The following TOPBP1 variants were observed in gnomAD, a reference collection of about 807,000 sequenced individuals.
TOPBP1 encodes DNA topoisomerase II binding protein 1, also known as DNA topoisomerase 2-binding protein 1.
TOPBP1 carries 28 observed loss-of-function variants against 167.7 expected under a neutral mutation model. The observed-to-expected ratio is 0.17, with a 90% CI of 0.12 to 0.23. The LOEUF is 0.23. TOPBP1 is among the 10% of genes least tolerant of loss of function. TOPBP1 has a pLI of 1.00. For synonymous variants in TOPBP1, 598 were observed against 611.4 expected (o/e 0.98, Z 0.32); for missense variants, 1,554 against 1,809.6 (o/e 0.86, Z 2.56).
chr3:133,653,821 G>C (rs139230678), intron 6 of TOPBP1, among the ~76,000 whole-genome samples: 1 of 151,896 alleles, frequency 6.6e-6, no homozygotes, highest in Non-Finnish European at 1.5e-5. Context: ...TAGTAGACAC[G>C]GGGTTTCACC....
chr3:133,643,692 G>A (rs1241020725), intron 11 of TOPBP1, among the ~76,000 whole-genome samples: 4 of 149,894 alleles, frequency 2.7e-5, no homozygotes, highest in African/African-American at 9.9e-5. Context: ...TTCTTGGAAT[G>A]TTAAAAAAAA....
chr3:133,636,178 G>C (rs1434752316), intron 14 of TOPBP1, among the ~76,000 whole-genome samples: 1 of 152,140 alleles, frequency 6.6e-6, no homozygotes, highest in Non-Finnish European at 1.5e-5. Context: ...AACGTGTATA[G>C]TGGCTTCTCA....
Position 133,644,502 on chromosome 3 carries a change from G to C in TOPBP1, c.1505-139C>G. ...CTAAAGCTTACGTGTATAATAAAGG[G>C]ATATGGATTCACCCCGTCTTCGGGG... On this transcript the variant is annotated intron_variant, in intron 10 of 27. Transcript: ENST00000260810. 6.1e-6 allele frequency: 5 copies of C among 818,586 alleles called. No individual in the cohort carries two copies. In the South Asian group the frequency reaches 6.2e-5, roughly 10 times the overall value. The allele number at this position is 818,586 out of a possible 1,614,324, so 50.7% of individuals were successfully genotyped here. A position where few individuals can be genotyped will look rare whatever the true frequency, so the allele number is the denominator to read the frequency against.
At chr3:133,631,824 G>T (rs1935492757) in intron 14 of TOPBP1, among the ~76,000 whole-genome samples, 1 of 152,000 alleles carries the variant, frequency 6.6e-6, no homozygotes, top group Non-Finnish European at 1.5e-5. Flanking sequence ...TTTTAGTAGA[G>T]ATGGGGTTTC....
intron 17 of TOPBP1, 63 bp downstream of exon 17, chr3:133,623,989 C>T: frequency 6.5e-7 from 1 of 1,529,986 alleles, no homozygotes; most frequent in Non-Finnish European, 8.8e-7. Flanking sequence ...AGTTAGTGCT[C>T]TGAAATAATG....
intron 20 of TOPBP1, among the ~76,000 whole-genome samples, chr3:133,619,177 A>G (rs1312251128): frequency 6.6e-6 from 1 of 151,852 alleles, no homozygotes; most frequent in East Asian, 1.9e-4. Context: ...CAATTTACCA[A>G]AGGAACCCCC....
At chr3:133,617,045 T>C (rs1206243852) in intron 22 of TOPBP1, 115 bp downstream of exon 22, 7 of 1,368,752 alleles carry the variant, frequency 5.1e-6, no homozygotes. Flanking sequence ...AATGATACAA[T>C]GCAAAAAATA....
chr3:133,606,165 G>C (rs931973875), intron 27 of TOPBP1, among the ~76,000 whole-genome samples: 26 of 152,100 alleles, frequency 1.7e-4, no homozygotes, highest in Non-Finnish European at 3.5e-4. Flanking sequence ...TCCAGCCTGG[G>C]CAACAGAGTG....
chr3:133,639,537 T>C (rs1935820108), intron 13 of TOPBP1, among the ~76,000 whole-genome samples: 1 of 152,122 alleles, frequency 6.6e-6, no homozygotes, highest in Non-Finnish European at 1.5e-5. Flanking sequence ...ACATGACACA[T>C]GTATACATAT....
rs1276477420 is a variant in TOPBP1, at chr3:133,612,725, T to C, written c.3872-173A>G. On this transcript the variant is annotated intron_variant, in intron 23 of 27. Transcript: ENST00000260810. ...TACTTTATATACATATATATATGTA[T>C]TAAAATGTTTATTATGAACATTTTA... Among the ~76,000 whole-genome samples the C allele has an allele frequency of 5.3e-5, 8 of 152,278 alleles. No homozygotes were observed. In the South Asian group the frequency reaches 1.4e-3, roughly 28 times the overall value.
chr3:133,606,309 A>C (rs1934490597), intron 27 of TOPBP1, among the ~76,000 whole-genome samples: 1 of 152,162 alleles, frequency 6.6e-6, no homozygotes. Flanking sequence ...AATAGGAATA[A>C]ATTTAACAAA....
chr3:133,623,341 G>C lies in TOPBP1; in HGVS notation c.3045C>G (p.Leu1015=). 6.2e-7 allele frequency: 1 copy of C among 1,613,668 alleles called. No individual in the cohort carries two copies. Among genetic ancestry groups the C allele is most frequent in the Non-Finnish European group, 8.5e-7 (1 of 1,179,780 alleles). Residue 1015 remains leucine (L), a synonymous_variant, in exon 18 of 28, where the codon CTC becomes CTG. Coordinates refer to ENST00000260810, the MANE Select transcript of TOPBP1 (RefSeq NM_007027.4). ...QDGRLCNSRL[L]SAVSSTKDDE... is the part of the protein sequence containing the mutation. ...CATCCTTTGTTGAAGACACAGCTGA[G>C]AGTAGTCGACTATTACAGAGCCGGC...
chr3:133,615,644 C>T (rs188157361), intron 23 of TOPBP1, among the ~76,000 whole-genome samples: 12 of 152,062 alleles, frequency 7.9e-5, no homozygotes, highest in African/African-American at 2.9e-4. Flanking sequence ...CACAGTTAGT[C>T]CAAATTGAGA....
rs766117573 is a variant in TOPBP1 at position 133,624,125 on chromosome 3, T to C, written c.2855A>G (p.Asn952Ser). The stretch of plus-strand genomic sequence containing the variant: ...AGATTTATACTCCCGATTAGTGTCA[T>C]TTGGCCGCCCTTGATAGATGAAATG... Reference protein sequence around the residue: ...VTHFIYQGRPNDTNREYKSVK... With the variant: ...VTHFIYQGRPSDTNREYKSVK... Residue 952 changes from asparagine to serine, a missense_variant, in exon 17 of 28, where the codon AAT becomes AGT. By Grantham distance (46) the Asn-to-Ser change is conservative. Coordinates refer to ENST00000260810, the MANE Select transcript of TOPBP1 (RefSeq NM_007027.4). 1 of 1,613,890 alleles carries C rather than the reference T, an allele frequency of 6.2e-7. No individual in the cohort carries two copies. The highest frequency in any genetic ancestry group is 8.5e-7 in the Non-Finnish European group (1 of 1,179,830).
At chr3:133,605,824 C>T (rs11706413) in intron 27 of TOPBP1, among the ~76,000 whole-genome samples, 21,330 of 152,206 alleles carry the variant, frequency 0.14, 1,841 homozygotes, top group Non-Finnish European at 0.2. Flanking sequence ...AATCTCTTTG[C>T]AGATAAAATG....
At chr3:133,626,268 C>T (rs368978048) in intron 16 of TOPBP1, among the ~76,000 whole-genome samples, 7 of 152,072 alleles carry the variant, frequency 4.6e-5, no homozygotes, top group African/African-American at 4.8e-5. Flanking sequence ...TCTAGATCAG[C>T]GGTTTCAGCA....
At chr3:133,628,801 T>A in intron 14 of TOPBP1, 68 bp from the exon 15 acceptor site, 1 of 1,482,848 alleles carries the variant, frequency 6.7e-7, no homozygotes, top group Non-Finnish European at 9.1e-7. Context: ...GATGGGTTAA[T>A]AGGACAGGAA....
chr3:133,623,952 T>C, intron 17 of TOPBP1, 100 bp downstream of exon 17: 2 of 1,399,220 alleles, frequency 1.4e-6, no homozygotes, highest in Non-Finnish European at 9.5e-7. Context: ...AACTGGCTTC[T>C]AGTTCCATTG....
In TOPBP1 at chr3:133,617,344, C is replaced by A. The variant is rs1211879791; in HGVS notation, c.3593-18G>T. The stretch of plus-strand genomic sequence containing the variant: ...ACAGACAGCTGAGGACAATAAAATG[C>A]TGCAGTGTGACAGGATCCAAATAAG... On this transcript the variant is annotated intron_variant, in intron 21 of 27. Coordinates refer to ENST00000260810, the MANE Select transcript of TOPBP1 (RefSeq NM_007027.4). 4 of 1,586,064 alleles carry A rather than the reference C, an allele frequency of 2.5e-6. No homozygotes were observed. Among genetic ancestry groups the A allele is most frequent in the African/African-American group, 2.7e-5 (2 of 73,642 alleles).
Sources: gnomAD v4.1 joint callset for allele counts (sites outside exome capture counted in the v4.1 genomes callset) on GRCh38, gnomAD v4.1.1 for gene constraint, MANE v1.5 for transcripts, NCBI Gene and HGNC (gene_info 2026-07-23, HGNC 2026-07-21) for gene names.